DCP1A: variants seen among roughly 807,000 people sequenced by gnomAD.
DCP1A encodes the protein mRNA-decapping enzyme 1A.
In DCP1A, 20 loss-of-function variants were observed where a neutral mutation model predicts 58.0. The observed-to-expected ratio is 0.34, with a 90% CI of 0.24 to 0.50. The LOEUF is 0.50. Among genes scored for constraint, DCP1A ranks in the 20% least tolerant of loss-of-function variants. The pLI, the probability that DCP1A is intolerant of heterozygous loss-of-function variation, is 0.98. For missense variants in DCP1A, 613 were observed against 712.2 expected, an observed-to-expected ratio of 0.86 and a Z score of 1.59; for synonymous variants, 285 against 275.1, an observed-to-expected ratio of 1.04 and a Z score of -0.36.
At chr3:53,319,856 A>G (rs1707911306) in intron 3 of DCP1A, among the ~76,000 whole-genome samples, 1 of 152,194 alleles carries the variant, frequency 6.6e-6, no homozygotes, top group Non-Finnish European at 1.5e-5. Flanking sequence ...GTTGCCGGGC[A>G]TGGTGGCTCA....
intron 5 of DCP1A, among the ~76,000 whole-genome samples, chr3:53,305,808 T>G (rs142062615): frequency 6.6e-6 from 1 of 152,236 alleles, no homozygotes; most frequent in Non-Finnish European, 1.5e-5. Context: ...AGGTTTTTTT[T>G]GTCGCATATG....
rs183794626 is a variant in DCP1A, at chr3:53,326,983, C to G, written c.305-7510G>C. Among the ~76,000 whole-genome samples the G allele has an allele frequency of 2.0e-4, 30 of 150,404 alleles. 1 individual carries two copies. Among genetic ancestry groups the G allele is most frequent in the South Asian group, 4.2e-4 (2 of 4,754 alleles). On this transcript the variant is annotated intron_variant, in intron 3 of 9. Coordinates refer to ENST00000610213, the MANE Select transcript of DCP1A (RefSeq NM_018403.7). ...AAATGTTGGACATGTCCAACCCCCC[C>G]CCCCCAACTGGTATTCTAGTCGCTC... is the stretch of plus-strand genomic sequence containing the variant.
At chr3:53,296,544 C>G (rs1466522520) in intron 6 of DCP1A, among the ~76,000 whole-genome samples, 1 of 152,210 alleles carries the variant, frequency 6.6e-6, no homozygotes, top group Non-Finnish European at 1.5e-5. Context: ...TAAATGTCTA[C>G]TGACAGCACA....
At position 53,284,904 on chromosome 3, in the gene DCP1A, C is replaced by CA. The variant is rs2106776505; in HGVS notation, c.*2675dup. 1 of 152,260 alleles carries CA rather than the reference C, an allele frequency of 6.6e-6. No individual in the cohort carries two copies. Among genetic ancestry groups the CA allele is most frequent in the East Asian group, 1.9e-4 (1 of 5,182 alleles). The allele number at this position is 152,260 out of a possible 1,614,324, so 9.4% of individuals were successfully genotyped here. On this transcript the variant is annotated 3_prime_UTR_variant, in exon 10 of 10. Transcript: ENST00000610213. ...AACTTGAATTCAAAGTCAAGCAGGC[C>CA]AAATCTCACACCTCATGAATCCCAG...
At chr3:53,346,084 T>C (rs1429660321) in intron 1 of DCP1A, among the ~76,000 whole-genome samples, 1 of 152,142 alleles carries the variant, frequency 6.6e-6, no homozygotes, top group Non-Finnish European at 1.5e-5. Context: ...TGTGAAAAAC[T>C]AGGAAAACTC....
At chr3:53,329,822 A>C (rs565266057) in intron 3 of DCP1A, among the ~76,000 whole-genome samples, 1 of 152,272 alleles carries the variant, frequency 6.6e-6, no homozygotes, top group African/African-American at 2.4e-5. Flanking sequence ...AGGGTGTTAC[A>C]TGAAGGAAAC....
Position 53,288,290 on chromosome 3 carries a change from A to C in DCP1A, c.1450-7T>G, listed in dbSNP as rs782245439. ...CCAGTGGGGCGCCTGCAACCTGGAG[A>C]GTGACAATGGTCATTTTGTACCGAA... is the stretch of plus-strand genomic sequence containing the variant. On this transcript the variant is annotated splice_polypyrimidine_tract_variant and splice_region_variant and intron_variant, in intron 8 of 9. Transcript: ENST00000610213. 2 of 1,599,192 alleles carry C rather than the reference A, an allele frequency of 1.3e-6. No homozygotes were observed. The highest frequency in any genetic ancestry group is 4.5e-5 in the East Asian group (2 of 44,288).
At chr3:53,318,755 G>A (rs1707882168) in intron 4 of DCP1A, among the ~76,000 whole-genome samples, 1 of 152,200 alleles carries the variant, frequency 6.6e-6, no homozygotes, top group African/African-American at 2.4e-5. Context: ...AAAATCTTCT[G>A]GAACACAACC....
chr3:53,288,762 C>T (rs544100360), intron 8 of DCP1A, among the ~76,000 whole-genome samples: 1 of 152,066 alleles, frequency 6.6e-6, no homozygotes, highest in Non-Finnish European at 1.5e-5. Flanking sequence ...TTTGGCTGGG[C>T]GCAGTGGTTC....
At chr3:53,303,856 T>C (rs1707383491) in intron 6 of DCP1A, among the ~76,000 whole-genome samples, 2 of 152,190 alleles carry the variant, frequency 1.3e-5, no homozygotes, top group South Asian at 4.1e-4. Flanking sequence ...TGGCTATGAT[T>C]TGAGTGAGCT....
At position 53,287,342 on chromosome 3, in the gene DCP1A, CTTTTTTTTTTTTTTT is replaced by C. The variant is rs35716152; in HGVS notation, c.*223_*237del. Reference sequence around the variant, plus strand: ...CATAACTTAACACAATGATCGCTCTCTTTTTTTTTTTTTTTTTTTTTTTTTTTGTCAAAACAAGGA... The same window carrying C: ...CATAACTTAACACAATGATCGCTCTCTTTTTTTTTTTTGTCAAAACAAGGA... On this transcript the variant is annotated 3_prime_UTR_variant, in exon 10 of 10. Coordinates refer to ENST00000610213, the MANE Select transcript of DCP1A (RefSeq NM_018403.7). The C allele has an allele frequency of 1.3e-4, 21 of 166,736 alleles. No homozygotes were observed. The highest frequency in any genetic ancestry group is 2.2e-4 in the African/African-American group (5 of 22,882). 10.3% of individuals were successfully genotyped at this position (166,736 alleles called of 1,614,324 possible). A position where few individuals can be genotyped will look rare whatever the true frequency, so the allele number is the denominator to read the frequency against.
At chr3:53,332,721 C>G (rs1021963213) in intron 3 of DCP1A, among the ~76,000 whole-genome samples, 2 of 152,032 alleles carry the variant, frequency 1.3e-5, no homozygotes, top group South Asian at 2.1e-4. Context: ...AAAAATTAGC[C>G]GGGTGTGGTG....
chr3:53,336,396 C>T (rs1354366453), intron 3 of DCP1A, among the ~76,000 whole-genome samples: 5 of 152,156 alleles, frequency 3.3e-5, no homozygotes, highest in South Asian at 2.1e-4. Context: ...CGTGAGCCAC[C>T]GCACAGGGCC....
At position 53,311,285 on chromosome 3, in the gene DCP1A, A is replaced by G. The variant is rs116343156; in HGVS notation, c.510+956T>C. 7.3e-3 allele frequency among the ~76,000 whole-genome samples: 1,114 copies of G among 152,330 alleles called. 8 individuals carry two copies. Among genetic ancestry groups the G allele is most frequent in the Non-Finnish European group, 0.012 (824 of 68,038 alleles). On this transcript the variant is annotated intron_variant, in intron 5 of 9. Transcript: ENST00000610213. ...GCATGAAAGGAAAGCACTTAATTCA[A>G]TATTTAATGAAGAGTAAGGTGACAG...
chr3:53,290,581 T>C, intron 8 of DCP1A: 2 of 650,334 alleles, frequency 3.1e-6, no homozygotes, highest in South Asian at 1.7e-5. Context: ...GCTGACAACC[T>C]TTTACTTCAC....
intron 3 of DCP1A, among the ~76,000 whole-genome samples, chr3:53,340,814 C>T (rs544242147): frequency 6.6e-6 from 1 of 152,292 alleles, no homozygotes; most frequent in Admixed American, 6.5e-5. Context: ...GGAAGGGCCA[C>T]TCTAGCTTTG....
intron 6 of DCP1A, among the ~76,000 whole-genome samples, chr3:53,303,506 T>A (rs1707374841): frequency 6.6e-6 from 1 of 152,302 alleles, no homozygotes. Context: ...GCTCAAGCGA[T>A]CTGCCTGCCT....
At chr3:53,293,173 T>A (rs1379844896) in intron 6 of DCP1A, among the ~76,000 whole-genome samples, 1 of 152,102 alleles carries the variant, frequency 6.6e-6, no homozygotes, top group East Asian at 1.9e-4. Context: ...AGGGACCAAA[T>A]GCTAATCAGG....
intron 4 of DCP1A, among the ~76,000 whole-genome samples, chr3:53,317,193 T>C (rs1707838323): frequency 6.6e-6 from 1 of 152,156 alleles, no homozygotes; most frequent in Non-Finnish European, 1.5e-5. Flanking sequence ...GAGACAAAGT[T>C]TCACTCTTGT....
Sources: allele counts gnomAD v4.1 joint callset (sites outside exome capture counted in the v4.1 genomes callset), GRCh38; gene constraint gnomAD v4.1.1; transcripts MANE v1.5; gene names NCBI Gene and HGNC (gene_info 2026-07-23, HGNC 2026-07-21).